Variants in TBC1D17 observed in about 807,000 individuals in gnomAD.
TBC1D17 encodes TBC1 domain family, member 17.
Under a neutral mutation model 78.8 loss-of-function variants are expected in TBC1D17, and 69 were observed. The observed-to-expected ratio is 0.88, with a 90% CI of 0.72 to 1.07. The LOEUF (loss-of-function observed/expected upper bound fraction) is 1.07. TBC1D17 is among the 50% of genes least tolerant of loss of function. The pLI is 0.00. For missense variants in TBC1D17, 957 were observed against 861.0 expected, an observed-to-expected ratio of 1.11 and a Z score of -1.39; for synonymous variants, 456 against 358.3, an observed-to-expected ratio of 1.27 and a Z score of -3.08.
Position 49,883,705 on chromosome 19 carries a change from G to A in TBC1D17, c.1086G>A (p.Glu362=). 6.2e-7 allele frequency: 1 copy of A among 1,614,032 alleles called. No homozygotes were observed. The change falls in exon 10 of 17, where the codon GAG becomes GAA. Residue 362 remains glutamate (E), a synonymous_variant. Coordinates refer to ENST00000221543, the MANE Select transcript of TBC1D17 (RefSeq NM_024682.3). ...LQWKSVSPEQ[E]RRNSLLHGYR... ...GGAAATCTGTGAGCCCTGAGCAGGA[G>A]CGGAGAAACTCACTTCTGCATGGAT...
chr19:49,885,200 C>T (rs542522100), intron 13 of TBC1D17: 8 of 190,604 alleles, frequency 4.2e-5, no homozygotes, highest in South Asian at 9.6e-5. Flanking sequence ...GTAATCCCAG[C>T]ACTTTGGGAG....
chr19:49,888,115 G>GC, intron 15 of TBC1D17, 116 bp from the exon 16 acceptor site: 2 of 1,498,958 alleles, frequency 1.3e-6, no homozygotes, highest in East Asian at 4.9e-5. Context: ...GCACTTCTGA[G>GC]CCCCCAGAGG....
In TBC1D17 at chr19:49,887,851, G is replaced by A. The variant is rs1490158495; in HGVS notation, c.1659+17G>A. 5.0e-6 allele frequency: 8 copies of A among 1,587,040 alleles called. No individual in the cohort carries two copies. In the African/African-American group the frequency reaches 5.4e-5, roughly 11 times the overall value. ...ATCCTCAAGGTGAGGCTCCGGCCCCGCCCCCGCCCTGTCCCCCCTGAGCTG... is the reference window on the plus strand; with the variant it reads ...ATCCTCAAGGTGAGGCTCCGGCCCCACCCCCGCCCTGTCCCCCCTGAGCTG... On this transcript the variant is annotated intron_variant, in intron 15 of 16. Transcript: ENST00000221543.
At chr19:49,887,638 G>C (rs1014765231) in intron 14 of TBC1D17, 65 bp downstream of exon 14, 19 of 1,609,074 alleles carry the variant, frequency 1.2e-5, no homozygotes, top group Non-Finnish European at 1.4e-5. Context: ...GAGGTTGGGC[G>C]GAGAGGGACA....
At chr19:49,884,814 T>A in intron 13 of TBC1D17, 56 bp downstream of exon 13, 1 of 1,502,544 alleles carries the variant, frequency 6.7e-7, no homozygotes, top group Non-Finnish European at 9.2e-7. Flanking sequence ...CTTGCCAGAT[T>A]CTCTGGTAGC....
In TBC1D17 at chr19:49,882,880, G is replaced by C; in HGVS notation, c.915G>C (p.Arg305=). ...AGCAGGTCCCTGAGCTGAAGAACCG[G>C]ATCTTCTCGGGGGTGAGTGCCAGGA... ...RLQQVPELKN[R]IFSGGLSPSL... Residue 305 remains arginine (R), a synonymous_variant, in exon 8 of 17, where the codon CGG becomes CGC. Coordinates refer to ENST00000221543, the MANE Select transcript of TBC1D17 (RefSeq NM_024682.3). 1 of 1,608,844 alleles carries C rather than the reference G, an allele frequency of 6.2e-7. No individual in the cohort carries two copies. Among genetic ancestry groups the C allele is most frequent in the Non-Finnish European group, 8.5e-7 (1 of 1,178,014 alleles).
Position 49,877,735 on chromosome 19 carries a change from C to T in TBC1D17, c.12C>T (p.Ala4=), listed in dbSNP as rs755734419. The T allele has an allele frequency of 3.1e-6, 5 of 1,598,162 alleles. No homozygotes were observed. Among genetic ancestry groups the T allele is most frequent in the South Asian group, 2.3e-5 (2 of 87,960 alleles). Residue 4 remains alanine, a synonymous_variant, in exon 1 of 17, where the codon GCC becomes GCT. Coordinates refer to ENST00000221543, the MANE Select transcript of TBC1D17 (RefSeq NM_024682.3). ...CTTCGGCGGCGACTATGGAAGGAGCCGGCTACAGGGTAAGCACTGAGGACG... is the reference window on the plus strand; with the variant it reads ...CTTCGGCGGCGACTATGGAAGGAGCTGGCTACAGGGTAAGCACTGAGGACG... MEG[A]GYRVVFEKGG...
intron 3 of TBC1D17, among the ~76,000 whole-genome samples, chr19:49,880,047 G>A (rs942606617): frequency 5.9e-5 from 9 of 151,698 alleles, no homozygotes; most frequent in Non-Finnish European, 1.2e-4. Flanking sequence ...TAGTAGAAAC[G>A]AGGTTTCTCC....
chr19:49,887,084 G>A (rs145566874), intron 13 of TBC1D17: 2 of 250,658 alleles, frequency 8.0e-6, no homozygotes, highest in Non-Finnish European at 1.6e-5. Flanking sequence ...TGATCCACCC[G>A]CCTCACCCTC....
At chr19:49,884,171 C>A in intron 10 of TBC1D17, 82 bp from the exon 11 acceptor site, 2 of 1,250,108 alleles carry the variant, frequency 1.6e-6, no homozygotes, top group Non-Finnish European at 1.2e-6. Flanking sequence ...GCAGGAGGAG[C>A]AGTGGGGGCT....
chr19:49,883,974 T>G (rs745579699), intron 10 of TBC1D17, among the ~76,000 whole-genome samples: 1 of 152,168 alleles, frequency 6.6e-6, no homozygotes, highest in Non-Finnish European at 1.5e-5. Flanking sequence ...CCAGTCTCAG[T>G]TCTGTCAATG....
In TBC1D17 at chr19:49,884,557, G is replaced by C. The variant is rs376680096; in HGVS notation, c.1342G>C (p.Val448Leu). The C allele has an allele frequency of 1.2e-6, 2 of 1,614,176 alleles. No homozygotes were observed. Among genetic ancestry groups the C allele is most frequent in the Non-Finnish European group, 1.7e-6 (2 of 1,180,010 alleles). ...GTGTTTCTGTGGCTTCATGGAGCTC[G>C]TGGTGAGGCTTGGGTCAGGGGTGGG... Reference protein sequence around the residue: ...FWCFCGFMELVQGNFEESQET... With the variant: ...FWCFCGFMELLQGNFEESQET... Residue 448 changes from valine (V) to leucine (L), a missense_variant and splice_region_variant, in exon 12 of 17, where the codon GTG becomes CTG. Transcript: ENST00000221543.
At chr19:49,878,318 G>A (rs1306956028) in intron 2 of TBC1D17, 77 bp downstream of exon 2, 12 of 1,428,516 alleles carry the variant, frequency 8.4e-6, no homozygotes, top group Non-Finnish European at 1.2e-5. Context: ...GGCAGCTGTA[G>A]GAGTTTGGTC....
Position 49,888,591 on chromosome 19 carries a change from G to GC in TBC1D17, c.1917dup (p.Glu640ArgfsTer40). ...AGCCCGACAGCAGCCTGGAGATCCTGCCCGAGGAGGAGGACGAGGGCGCCG... is the reference window on the plus strand; with the variant it reads ...AGCCCGACAGCAGCCTGGAGATCCTGCCCCGAGGAGGAGGACGAGGGCGCCG... On this transcript the variant is annotated frameshift_variant, in exon 17 of 17. Coordinates refer to ENST00000221543, the MANE Select transcript of TBC1D17 (RefSeq NM_024682.3). LOFTEE classifies it high-confidence loss of function. 1 of 1,533,900 alleles carries GC rather than the reference G, an allele frequency of 6.5e-7. No individual in the cohort carries two copies. The highest frequency in any genetic ancestry group is 8.7e-7 in the Non-Finnish European group (1 of 1,144,970).
chr19:49,884,427 C>T lies in TBC1D17; in HGVS notation c.1244-32C>T, dbSNP rs772745789. The T allele has an allele frequency of 1.7e-5, 28 of 1,613,892 alleles. No homozygotes were observed. The South Asian group carries it at 3.0e-4, about 17-fold the overall frequency. ...GGGCTGTCCAGGGGAGCGCTGCGGGCTTGGCTGCAGCCTGACCCCATGTCC... is the reference window on the plus strand; with the variant it reads ...GGGCTGTCCAGGGGAGCGCTGCGGGTTTGGCTGCAGCCTGACCCCATGTCC... On this transcript the variant is annotated intron_variant, in intron 11 of 16. Coordinates refer to ENST00000221543, the MANE Select transcript of TBC1D17 (RefSeq NM_024682.3).
intron 4 of TBC1D17, among the ~76,000 whole-genome samples, chr19:49,880,807 G>T (rs535524103): frequency 8.5e-4 from 129 of 152,342 alleles, no homozygotes; most frequent in African/African-American, 2.9e-3. Flanking sequence ...CCAGGAAGAG[G>T]TGATGCTGGA....
chr19:49,880,480 A>G (rs2122432644), intron 4 of TBC1D17, 78 bp downstream of exon 4: 1 of 1,544,664 alleles, frequency 6.5e-7, no homozygotes, highest in South Asian at 1.2e-5. Context: ...TCACGGTCCC[A>G]AGGGCTTTGC....
intron 1 of TBC1D17, 186 bp downstream of exon 1, chr19:49,877,930 C>G (rs1001914913): frequency 6.3e-6 from 5 of 793,808 alleles, no homozygotes; most frequent in Non-Finnish European, 5.9e-6. Flanking sequence ...GCCCCGCCCC[C>G]CCGGCTCAGG....
Position 49,888,202 on chromosome 19 carries a change from A to T in TBC1D17, c.1660-29A>T, listed in dbSNP as rs368282616. ...CTCGGGCGGAGGTGGTTGAGTGCCG[A>T]CTGGCGCCTGACCCACCCCCTCCCG... is the stretch of plus-strand genomic sequence containing the variant. On this transcript the variant is annotated intron_variant, in intron 15 of 16. Transcript: ENST00000221543. 2,538 of 1,558,878 alleles carry T rather than the reference A, an allele frequency of 1.6e-3. 2 individuals are homozygous for T. The highest frequency in any genetic ancestry group is 2.2e-3 in the South Asian group (188 of 84,696).
Sources: allele counts gnomAD v4.1 joint callset (sites outside exome capture counted in the v4.1 genomes callset), GRCh38; gene constraint gnomAD v4.1.1; transcripts MANE v1.5; gene names NCBI Gene and HGNC (gene_info 2026-07-23, HGNC 2026-07-21).